The following CROT variants were observed in gnomAD, a reference collection of about 807,000 sequenced individuals.
CROT encodes the protein carnitine O-octanoyltransferase.
Under a neutral mutation model 89.2 loss-of-function variants are expected in CROT, and 84 were observed. The observed-to-expected ratio is 0.94, with a 90% CI of 0.79 to 1.13. CROT has a LOEUF of 1.13. Among genes scored for constraint, CROT ranks in the 50% most tolerant of loss-of-function variants. CROT has a pLI of 0.00. For synonymous variants in CROT, 212 were observed against 239.5 expected (o/e 0.89, Z 1.06); for missense variants, 711 against 727.8 (o/e 0.98, Z 0.27).
chr7:87,377,682 A>G (rs1806854299), intron 10 of CROT, among the ~76,000 whole-genome samples: 1 of 152,204 alleles, frequency 6.6e-6, no homozygotes, highest in Non-Finnish European at 1.5e-5. Context: ...GGATTTGCAT[A>G]TAATATTTAT....
intron 7 of CROT, among the ~76,000 whole-genome samples, chr7:87,370,469 C>T (rs1009235380): frequency 3.9e-5 from 6 of 152,186 alleles, no homozygotes; most frequent in Admixed American, 2.0e-4. Context: ...AGGCATGAGC[C>T]ACCACACCCA....
chr7:87,382,039 T>C (rs1476950722), intron 11 of CROT, 35 bp from the exon 12 acceptor site: 2 of 1,570,208 alleles, frequency 1.3e-6, no homozygotes, highest in Non-Finnish European at 1.7e-6. Context: ...AATAGTTCTA[T>C]AGATAAAATA....
At chr7:87,358,611 TA>T (rs1390130239) in intron 3 of CROT, among the ~76,000 whole-genome samples, 3 of 152,032 alleles carry the variant, frequency 2.0e-5, no homozygotes, top group Non-Finnish European at 2.9e-5. Context: ...CAAATGTTAT[TA>T]AAAAATGATA....
rs1562925418 is a variant in CROT, at chr7:87,349,163, T to A, written c.95T>A (p.Leu32Ter). Residue 32 changes from leucine (L) to a stop codon, truncating the protein, a stop_gained, in exon 3 of 18, where the codon TTA becomes TAA. Transcript: ENST00000331536. LOFTEE classifies it high-confidence loss of function. ...SLPVPSLEES[L>*]KKYLESVKPF... ...CCTGTTCCTTCACTTGAAGAATCAT[T>A]AAAAAAATACCTTGAATCAGGTATG... 3 of 1,574,144 alleles carry A rather than the reference T, an allele frequency of 1.9e-6. No homozygotes were observed. Among genetic ancestry groups the A allele is most frequent in the Admixed American group, 1.7e-5 (1 of 58,258 alleles).
rs770694734 is a variant in CROT, at chr7:87,377,342, A to G, written c.877-7A>G. On this transcript the variant is annotated splice_polypyrimidine_tract_variant and splice_region_variant and intron_variant, in intron 9 of 17. Coordinates refer to ENST00000331536, the MANE Select transcript of CROT (RefSeq NM_021151.4). ...CTTTTAATTTGGAAAAATTAAATTT[A>G]TTTTAGATTATTGCAGCCATCCTTA... 3 of 1,565,736 alleles carry G rather than the reference A, an allele frequency of 1.9e-6. No individual in the cohort carries two copies. Among genetic ancestry groups the G allele is most frequent in the Admixed American group, 3.5e-5 (2 of 56,836 alleles).
intron 13 of CROT, among the ~76,000 whole-genome samples, chr7:87,385,749 A>G (rs1807165244): frequency 6.6e-6 from 1 of 152,306 alleles, no homozygotes; most frequent in Middle Eastern, 3.4e-3. Context: ...CATCTTTGTC[A>G]TGTTCTAGAT....
chr7:87,398,030 G>A (rs1807598485), intron 17 of CROT, among the ~76,000 whole-genome samples: 1 of 151,214 alleles, frequency 6.6e-6, no homozygotes, highest in African/African-American at 2.4e-5. Flanking sequence ...ATGGTGGAAG[G>A]CATGACTTGA....
intron 13 of CROT, among the ~76,000 whole-genome samples, chr7:87,388,401 C>T (rs1313841484): frequency 6.6e-6 from 1 of 152,142 alleles, no homozygotes; most frequent in Non-Finnish European, 1.5e-5. Flanking sequence ...GTAACCAAAA[C>T]AGCATGTTAC....
intron 3 of CROT, among the ~76,000 whole-genome samples, chr7:87,356,557 ACT>A (rs1350184998): frequency 1.3e-5 from 2 of 152,118 alleles, no homozygotes; most frequent in East Asian, 1.9e-4. Flanking sequence ...GCTTTAGAAG[ACT>A]CTGTTTAATT....
chr7:87,379,286 CT>C (rs2088284754), intron 10 of CROT, among the ~76,000 whole-genome samples: 1 of 152,182 alleles, frequency 6.6e-6, no homozygotes, highest in African/African-American at 2.4e-5. Context: ...ACTTTTCCCC[CT>C]CTGACCACTT....
Position 87,399,081 on chromosome 7 carries a change from T to C in CROT, c.*437T>C, listed in dbSNP as rs983502783. On this transcript the variant is annotated 3_prime_UTR_variant, in exon 18 of 18. Transcript: ENST00000331536. ...AAAGGGTATGAATTACATTATTGTA[T>C]GCTAATTTCCCTGAAATCAATGCCT... 1.1e-4 allele frequency: 19 copies of C among 165,786 alleles called. No individual in the cohort carries two copies. Among genetic ancestry groups the C allele is most frequent in the Admixed American group, 3.6e-4 (6 of 16,738 alleles). The allele number at this position is 165,786 out of a possible 1,614,324, so 10.3% of individuals were successfully genotyped here. A position where few individuals can be genotyped will look rare whatever the true frequency, so the allele number is the denominator to read the frequency against.
intron 13 of CROT, among the ~76,000 whole-genome samples, chr7:87,385,133 C>T (rs1807148576): frequency 6.6e-6 from 1 of 150,810 alleles, no homozygotes; most frequent in Non-Finnish European, 1.5e-5. Flanking sequence ...TGTGATACCT[C>T]AAGCTTTTTT....
intron 2 of CROT, among the ~76,000 whole-genome samples, chr7:87,347,104 T>C (rs1374508736): frequency 6.6e-6 from 1 of 152,244 alleles, no homozygotes; most frequent in African/African-American, 2.4e-5. Context: ...AAAGCAGTCT[T>C]ACTTGTCTGC....
intron 3 of CROT, among the ~76,000 whole-genome samples, chr7:87,357,243 G>C (rs1806108586): frequency 1.3e-5 from 2 of 152,046 alleles, no homozygotes; most frequent in Non-Finnish European, 2.9e-5. Flanking sequence ...TCTGGCAAAG[G>C]GGACAAAGTG....
chr7:87,374,388 A>G lies in CROT; in HGVS notation c.657-1244A>G, dbSNP rs552292569. On this transcript the variant is annotated intron_variant, in intron 7 of 17. Transcript: ENST00000331536. ...ACCACCTTGTAAAACGAACATGAAA[A>G]TGATCATTTCAGGGAGGAAGTAAAA... is the stretch of plus-strand genomic sequence containing the variant. Among the ~76,000 whole-genome samples, 3 of 152,178 alleles carry G rather than the reference A, an allele frequency of 2.0e-5. No homozygotes were observed. The East Asian group carries it at 5.8e-4, about 29-fold the overall frequency.
At chr7:87,395,074 T>G (rs763073712) in intron 17 of CROT, among the ~76,000 whole-genome samples, 4 of 151,988 alleles carry the variant, frequency 2.6e-5, no homozygotes, top group Non-Finnish European at 5.9e-5. Flanking sequence ...ACTAATAGGA[T>G]ATTTAAGAAG....
intron 13 of CROT, among the ~76,000 whole-genome samples, chr7:87,383,741 C>T (rs555927485): frequency 5.3e-5 from 8 of 152,234 alleles, no homozygotes; most frequent in South Asian, 4.1e-4. Context: ...AGGTGATCTG[C>T]GTGCCTTGGC....
intron 3 of CROT, chr7:87,354,519 G>A (rs1341043385): frequency 2.4e-6 from 1 of 424,218 alleles, no homozygotes; most frequent in Non-Finnish European, 4.8e-6. Flanking sequence ...AAAGCCAAAA[G>A]TACAGAATCA....
In CROT at chr7:87,347,673, T is replaced by C. The variant is rs117600803; in HGVS notation, c.-22+1243T>C. ...TCTCCCTACAATAGAAAGCCCAAAA[T>C]ACAATGGTATGAATAAAATAGAAGT... On this transcript the variant is annotated intron_variant, in intron 2 of 17. Coordinates refer to ENST00000331536, the MANE Select transcript of CROT (RefSeq NM_021151.4). Among the ~76,000 whole-genome samples the C allele has an allele frequency of 7.6e-3, 1,157 of 152,202 alleles. 1 individual carries two copies. Among genetic ancestry groups the C allele is most frequent in the Non-Finnish European group, 0.01 (696 of 68,002 alleles).
Sources: gnomAD v4.1 joint callset for allele counts (sites outside exome capture counted in the v4.1 genomes callset) on GRCh38, gnomAD v4.1.1 for gene constraint, MANE v1.5 for transcripts, NCBI Gene and HGNC (gene_info 2026-07-23, HGNC 2026-07-21) for gene names.